CDH18: variants seen among roughly 807,000 people sequenced by gnomAD.
CDH18 encodes the protein cadherin 18, also known as cadherin-18.
Under a neutral mutation model 67.9 loss-of-function variants are expected in CDH18, and 31 were observed. That is an observed-to-expected ratio of 0.46 (90% CI 0.34 to 0.62). The LOEUF is 0.62. CDH18 is among the 20% of genes least tolerant of loss of function. The pLI is 0.01. For missense variants in CDH18, 890 were observed against 975.5 expected, an observed-to-expected ratio of 0.91 and a Z score of 1.17; for synonymous variants, 362 against 347.2, an observed-to-expected ratio of 1.04 and a Z score of -0.48.
intron 5 of CDH18, among the ~76,000 whole-genome samples, chr5:19,682,559 C>A (rs1760486238): frequency 6.6e-6 from 1 of 151,968 alleles, no homozygotes; most frequent in African/African-American, 2.4e-5. Context: ...TCTATTAACT[C>A]CAGTCAATTT....
chr5:20,097,013 A>G (rs1201426616), intron 2 of CDH18, among the ~76,000 whole-genome samples: 4 of 152,174 alleles, frequency 2.6e-5, no homozygotes, highest in African/African-American at 9.7e-5. Flanking sequence ...ATTTTTCAAT[A>G]GTATATTTAG....
At chr5:19,966,641 T>C (rs944318800) in intron 2 of CDH18, among the ~76,000 whole-genome samples, 1 of 152,068 alleles carries the variant, frequency 6.6e-6, no homozygotes, top group African/African-American at 2.4e-5. Flanking sequence ...TGTAGAAAAT[T>C]TTACTGATGG....
intron 1 of CDH18, among the ~76,000 whole-genome samples, chr5:20,454,709 A>G (rs1036109511): frequency 1.3e-5 from 2 of 152,066 alleles, no homozygotes; most frequent in African/African-American, 4.8e-5. Flanking sequence ...ATTACTCATC[A>G]CAAAAGCAAT....
At chr5:19,721,977 A>T (rs894368123) in intron 4 of CDH18, among the ~76,000 whole-genome samples, 1 of 152,174 alleles carries the variant, frequency 6.6e-6, no homozygotes, top group Non-Finnish European at 1.5e-5. Context: ...TCTGTCTTAC[A>T]CATTCTTTTT....
chr5:20,032,434 A>C (rs562517854), intron 2 of CDH18, among the ~76,000 whole-genome samples: 2 of 152,096 alleles, frequency 1.3e-5, no homozygotes, highest in South Asian at 4.1e-4. Flanking sequence ...AAAAGCAAAA[A>C]TCATCCCAGC....
rs534348065 is a variant in CDH18, at chr5:19,921,400, G to A, written c.-257+59660C>T. Among the ~76,000 whole-genome samples the A allele has an allele frequency of 1.3e-4, 19 of 151,928 alleles. No homozygotes were observed. In the Middle Eastern group the frequency reaches 0.01, roughly 82 times the overall value. ...CAAATAATTAGCCAGGAGTGGTGGC[G>A]GGCACCTGTAGTCCCAGCTACTCGG... is the stretch of plus-strand genomic sequence containing the variant. On this transcript the variant is annotated intron_variant, in intron 2 of 12. Coordinates refer to ENST00000382275, the MANE Select transcript of CDH18 (RefSeq NM_004934.5).
chr5:20,090,000 G>A (rs942940298), intron 2 of CDH18, among the ~76,000 whole-genome samples: 11 of 151,912 alleles, frequency 7.2e-5, no homozygotes, highest in African/African-American at 2.4e-5. Context: ...TGAAATACTC[G>A]CTTATGGAAA....
chr5:19,931,496 C>T (rs1265987011), intron 2 of CDH18, among the ~76,000 whole-genome samples: 2 of 151,796 alleles, frequency 1.3e-5, no homozygotes, highest in Admixed American at 6.6e-5. Flanking sequence ...GCTGTTACTA[C>T]CTAATAAAAA....
intron 2 of CDH18, among the ~76,000 whole-genome samples, chr5:20,007,322 C>A (rs1310753175): frequency 1.3e-5 from 2 of 151,728 alleles, no homozygotes; most frequent in Non-Finnish European, 2.9e-5. Flanking sequence ...AGATGCTGAT[C>A]TGACACGTAG....
At chr5:20,328,553 G>A (rs1353668488) in intron 1 of CDH18, among the ~76,000 whole-genome samples, 1 of 151,138 alleles carries the variant, frequency 6.6e-6, no homozygotes, top group Non-Finnish European at 1.5e-5. Context: ...GGGAGAATTA[G>A]GAGAATTTCT....
At chr5:20,172,205 T>TATATATAC (rs1736805559) in intron 2 of CDH18, among the ~76,000 whole-genome samples, 1 of 62,194 alleles carries the variant, frequency 1.6e-5, no homozygotes, top group Non-Finnish European at 2.9e-5. Context: ...TATATATATA[T>TATATATAC]ATATATATAT....
chr5:20,270,004 G>A (rs933152131), intron 1 of CDH18, among the ~76,000 whole-genome samples: 3 of 152,140 alleles, frequency 2.0e-5, no homozygotes, highest in Non-Finnish European at 4.4e-5. Context: ...ACATGAACCT[G>A]AACTGGATCA....
chr5:19,503,980 G>C (rs1743680882), intron 10 of CDH18, among the ~76,000 whole-genome samples: 1 of 151,922 alleles, frequency 6.6e-6, no homozygotes, highest in African/African-American at 2.4e-5. Context: ...AATATTTCCT[G>C]TTTCTGAAAT....
intron 4 of CDH18, among the ~76,000 whole-genome samples, chr5:19,734,373 A>G (rs1403908214): frequency 6.6e-6 from 1 of 151,968 alleles, no homozygotes; most frequent in Non-Finnish European, 1.5e-5. Context: ...GACTTGTGAT[A>G]TTTGTCTATT....
At chr5:19,977,569 T>C (rs1212227284) in intron 2 of CDH18, among the ~76,000 whole-genome samples, 1 of 152,168 alleles carries the variant, frequency 6.6e-6, no homozygotes, top group Non-Finnish European at 1.5e-5. Flanking sequence ...CAACTGCTTT[T>C]AGAATCCTAT....
intron 2 of CDH18, among the ~76,000 whole-genome samples, chr5:20,133,719 C>T (rs1749464751): frequency 6.6e-6 from 1 of 151,836 alleles, no homozygotes; most frequent in South Asian, 2.1e-4. Context: ...TGCCCCCTAA[C>T]CTTCAAGATT....
chr5:19,703,740 G>A (rs149404934), intron 5 of CDH18, among the ~76,000 whole-genome samples: 1,439 of 110,220 alleles, frequency 0.013, 17 homozygotes, highest in Non-Finnish European at 0.017. Context: ...GCCCCCCGCC[G>A]ATCAACAGGG....
chr5:19,749,281 A>T (rs1242891442), intron 3 of CDH18, among the ~76,000 whole-genome samples: 2 of 151,826 alleles, frequency 1.3e-5, no homozygotes, highest in Admixed American at 1.3e-4. Context: ...TTGTCATTAA[A>T]CTAACAAAAG....
intron 1 of CDH18, among the ~76,000 whole-genome samples, chr5:20,313,633 T>C (rs1561962996): frequency 6.6e-6 from 1 of 152,038 alleles, no homozygotes; most frequent in Non-Finnish European, 1.5e-5. Flanking sequence ...AAAGAGATTA[T>C]GAGAGAAGTT....
Sources: gnomAD v4.1 joint callset for allele counts (sites outside exome capture counted in the v4.1 genomes callset) on GRCh38, gnomAD v4.1.1 for gene constraint, MANE v1.5 for transcripts, NCBI Gene and HGNC (gene_info 2026-07-23, HGNC 2026-07-21) for gene names.